KIFAP3: variants seen among roughly 807,000 people sequenced by gnomAD.
KIFAP3 encodes the protein kinesin-associated protein 3.
A neutral mutation model predicts 106.5 loss-of-function variants in KIFAP3; 68 were observed. The ratio of observed to expected loss-of-function variants is 0.64; its 90% CI spans 0.53 to 0.78. The LOEUF (loss-of-function observed/expected upper bound fraction) is 0.78. KIFAP3 is among the 30% of genes least tolerant of loss of function. The pLI is 0.00. For missense variants in KIFAP3, 780 were observed against 941.8 expected, an observed-to-expected ratio of 0.83 and a Z score of 2.25; for synonymous variants, 320 against 311.5, an observed-to-expected ratio of 1.03 and a Z score of -0.29.
chr1:169,986,053 T>C (rs1396666535), intron 11 of KIFAP3, among the ~76,000 whole-genome samples: 1 of 151,660 alleles, frequency 6.6e-6, no homozygotes, highest in Non-Finnish European at 1.5e-5. Context: ...AAATTTATAA[T>C]ATAAAAACTT....
intron 19 of KIFAP3, among the ~76,000 whole-genome samples, chr1:169,934,865 G>T (rs1663700082): frequency 1.3e-5 from 2 of 152,100 alleles, no homozygotes; most frequent in African/African-American, 4.8e-5. Context: ...ATGGCAAACA[G>T]TATCTCCCTT....
chr1:169,924,462 T>C (rs536668729), intron 19 of KIFAP3, among the ~76,000 whole-genome samples: 5 of 152,362 alleles, frequency 3.3e-5, no homozygotes, highest in Middle Eastern at 3.4e-3. Context: ...GTATCACAGA[T>C]GAACTTGCTG....
chr1:170,012,691 A>T (rs1361145756), intron 10 of KIFAP3, among the ~76,000 whole-genome samples: 1 of 151,818 alleles, frequency 6.6e-6, no homozygotes, highest in East Asian at 1.9e-4. Flanking sequence ...CATGTACGGG[A>T]TTGGTGCCTG....
At chr1:169,954,183 A>C (rs1664884996) in intron 18 of KIFAP3, 73 bp from the exon 19 acceptor site, 1 of 849,886 alleles carries the variant, frequency 1.2e-6, no homozygotes, top group Admixed American at 1.9e-5. Context: ...CAATACAATA[A>C]GAAAATAACT....
intron 3 of KIFAP3, among the ~76,000 whole-genome samples, chr1:170,042,257 T>C (rs1014947105): frequency 6.6e-6 from 1 of 152,108 alleles, no homozygotes; most frequent in Non-Finnish European, 1.5e-5. Flanking sequence ...TATGAACCCA[T>C]GAAAACAAAG....
chr1:170,062,027 G>T (rs537471545), intron 1 of KIFAP3, among the ~76,000 whole-genome samples: 1 of 151,982 alleles, frequency 6.6e-6, no homozygotes, highest in African/African-American at 2.4e-5. Flanking sequence ...GTGGGGAGAG[G>T]GGGGAGGGAT....
intron 10 of KIFAP3, among the ~76,000 whole-genome samples, chr1:169,998,408 A>T (rs1667492092): frequency 1.4e-5 from 2 of 147,098 alleles, no homozygotes; most frequent in South Asian, 4.2e-4. Flanking sequence ...ATACACACAC[A>T]CACACACACA....
At position 170,039,299 on chromosome 1, in the gene KIFAP3, A is replaced by G. The variant is rs985262773; in HGVS notation, c.320-11T>C. On this transcript the variant is annotated splice_polypyrimidine_tract_variant and intron_variant, in intron 3 of 19. Coordinates refer to ENST00000361580, the MANE Select transcript of KIFAP3 (RefSeq NM_014970.4). ...ATTTTTCTTTTTTCTCTGTAAAAAG[A>G]TTTTTTTTTAATAAGGAGACTTAGG... The G allele has an allele frequency of 1.3e-6, 2 of 1,529,434 alleles. No individual in the cohort carries two copies. Among genetic ancestry groups the G allele is most frequent in the Non-Finnish European group, 1.8e-6 (2 of 1,115,598 alleles). 94.7% of individuals were successfully genotyped at this position (1,529,434 alleles called of 1,614,324 possible). A position where few individuals can be genotyped will look rare whatever the true frequency, so the allele number is the denominator to read the frequency against.
In KIFAP3 at chr1:169,926,991, G is replaced by A. The variant is rs924581443; in HGVS notation, c.2274-5210C>T. Reference sequence around the variant, plus strand: ...GAAATTACTTCTTCATAATTTTTTGGAATAGTTCATTCTTTTTATCAATTT... The same window carrying A: ...GAAATTACTTCTTCATAATTTTTTGAAATAGTTCATTCTTTTTATCAATTT... On this transcript the variant is annotated intron_variant, in intron 19 of 19. Coordinates refer to ENST00000361580, the MANE Select transcript of KIFAP3 (RefSeq NM_014970.4). Among the ~76,000 whole-genome samples the A allele has an allele frequency of 6.6e-5, 10 of 152,164 alleles. No individual in the cohort carries two copies. In the East Asian group the frequency reaches 1.5e-3, roughly 23 times the overall value.
intron 18 of KIFAP3, among the ~76,000 whole-genome samples, chr1:169,956,610 CT>C (rs1163823729): frequency 0.27 from 32,004 of 117,246 alleles, 4,095 homozygotes; most frequent in East Asian, 0.47. Flanking sequence ...CACTGAAGTT[CT>C]TTTTTTTTTT....
At chr1:169,982,163 A>T in intron 14 of KIFAP3, 66 bp from the exon 15 acceptor site, 3 of 1,466,694 alleles carry the variant, frequency 2.0e-6, no homozygotes, top group African/African-American at 1.4e-5. Flanking sequence ...TTAGAGTATC[A>T]AAATGTAAAT....
At chr1:169,986,962 G>A (rs967538523) in intron 11 of KIFAP3, among the ~76,000 whole-genome samples, 7 of 151,828 alleles carry the variant, frequency 4.6e-5, no homozygotes, top group East Asian at 1.9e-4. Flanking sequence ...TGCATGGCTC[G>A]AAAACTTACT....
At chr1:169,945,868 A>G (rs116592159) in intron 19 of KIFAP3, among the ~76,000 whole-genome samples, 1 of 152,192 alleles carries the variant, frequency 6.6e-6, no homozygotes, top group Non-Finnish European at 1.5e-5. Flanking sequence ...GATGTGTGAT[A>G]ATCTAATAAA....
At chr1:169,968,423 A>C (rs1429342256) in intron 17 of KIFAP3, among the ~76,000 whole-genome samples, 1 of 151,924 alleles carries the variant, frequency 6.6e-6, no homozygotes, top group Non-Finnish European at 1.5e-5. Context: ...TTGTGTTCTA[A>C]CATAACTGAT....
intron 10 of KIFAP3, among the ~76,000 whole-genome samples, chr1:170,004,884 G>A (rs1258766344): frequency 6.6e-6 from 1 of 151,626 alleles, no homozygotes; most frequent in African/African-American, 2.4e-5. Flanking sequence ...AAGAACTTCT[G>A]CACAGCAAAA....
intron 1 of KIFAP3, among the ~76,000 whole-genome samples, chr1:170,058,398 C>A (rs1394316860): frequency 6.6e-6 from 1 of 152,164 alleles, no homozygotes; most frequent in Non-Finnish European, 1.5e-5. Context: ...TGCTCTCTGG[C>A]AGGACTGCTA....
chr1:170,009,033 C>T (rs546097500), intron 10 of KIFAP3, among the ~76,000 whole-genome samples: 2 of 152,134 alleles, frequency 1.3e-5, no homozygotes, highest in Admixed American at 1.3e-4. Flanking sequence ...AAATCAAACA[C>T]CGCATGTTCT....
chr1:169,941,043 A>G (rs559417974), intron 19 of KIFAP3, among the ~76,000 whole-genome samples: 1 of 152,288 alleles, frequency 6.6e-6, no homozygotes, highest in East Asian at 1.9e-4. Context: ...GGGCAGATTT[A>G]AAGTTGCAAA....
chr1:170,011,522 CAT>C (rs1668241558), intron 10 of KIFAP3, among the ~76,000 whole-genome samples: 2 of 151,474 alleles, frequency 1.3e-5, no homozygotes, highest in African/African-American at 4.8e-5. Flanking sequence ...AATATATAGA[CAT>C]ATATTGACAT....
Sources: gnomAD v4.1 joint callset for allele counts (sites outside exome capture counted in the v4.1 genomes callset) on GRCh38, gnomAD v4.1.1 for gene constraint, MANE v1.5 for transcripts, NCBI Gene and HGNC (gene_info 2026-07-23, HGNC 2026-07-21) for gene names.